The following SOX5 variants were observed in gnomAD, a reference collection of about 807,000 sequenced individuals.
SOX5 encodes transcription factor SOX-5.
SOX5 carries 9 observed loss-of-function variants against 92.0 expected under a neutral mutation model. The ratio of observed to expected loss-of-function variants is 0.10; its 90% CI spans 0.06 to 0.17. SOX5 has a LOEUF of 0.17. Ranked by LOEUF, SOX5 falls within the 10% of genes least tolerant of loss-of-function variation. The pLI is 1.00. For missense variants in SOX5, 642 were observed against 944.5 expected (o/e 0.68, Z 4.20); for synonymous variants, 344 against 336.3 (o/e 1.02, Z -0.25).
intron 1 of SOX5, among the ~76,000 whole-genome samples, chr12:24,423,856 G>C (rs1460318711): frequency 6.6e-6 from 1 of 152,182 alleles, no homozygotes. Flanking sequence ...AGCCCAAAAT[G>C]ACCTGTTGGC....
chr12:24,406,852 G>A (rs1237639047), intron 1 of SOX5, among the ~76,000 whole-genome samples: 1 of 152,154 alleles, frequency 6.6e-6, no homozygotes, highest in Non-Finnish European at 1.5e-5. Flanking sequence ...AGAAGGAGAT[G>A]AAAAATAAAT....
intron 8 of SOX5, among the ~76,000 whole-genome samples, chr12:23,638,774 T>G (rs183102338): frequency 6.6e-6 from 1 of 152,054 alleles, no homozygotes; most frequent in East Asian, 1.9e-4. Flanking sequence ...AGTGAGTTGG[T>G]GTAAGCACCC....
intron 3 of SOX5, among the ~76,000 whole-genome samples, chr12:23,810,337 T>C (rs1031045680): frequency 5.3e-5 from 8 of 152,154 alleles, no homozygotes; most frequent in Non-Finnish European, 1.2e-4. Context: ...TCATTTCATG[T>C]GTACAGCATC....
At chr12:23,569,235 A>G (rs1268416323) in intron 10 of SOX5, among the ~76,000 whole-genome samples, 5 of 152,198 alleles carry the variant, frequency 3.3e-5, no homozygotes, top group African/African-American at 1.2e-4. Flanking sequence ...ATCTATGTAT[A>G]TTTAAAAAAA....
At chr12:24,417,335 G>A (rs927407982) in intron 1 of SOX5, among the ~76,000 whole-genome samples, 16 of 152,208 alleles carry the variant, frequency 1.1e-4, no homozygotes, top group Non-Finnish European at 2.9e-5. Context: ...ATGTGTATGT[G>A]AGGAAGAAAT....
chr12:24,434,607 G>A (rs889999886), intron 1 of SOX5, among the ~76,000 whole-genome samples: 1 of 152,140 alleles, frequency 6.6e-6, no homozygotes, highest in African/African-American at 2.4e-5. Flanking sequence ...GATCATGGGG[G>A]CAGTTTCTCA....
At chr12:23,791,154 A>G (rs1323189226) in intron 3 of SOX5, among the ~76,000 whole-genome samples, 1 of 152,260 alleles carries the variant, frequency 6.6e-6, no homozygotes, top group Non-Finnish European at 1.5e-5. Context: ...CCACAGGTGT[A>G]GAAGATGACA....
intron 4 of SOX5, among the ~76,000 whole-genome samples, chr12:24,003,515 GAAT>G (rs1951830374): frequency 1.3e-5 from 2 of 151,582 alleles, no homozygotes; most frequent in African/African-American, 4.8e-5. Context: ...TACTAGCAAT[GAAT>G]AATATAAAAA....
intron 1 of SOX5, among the ~76,000 whole-genome samples, chr12:24,383,398 G>A (rs1464687197): frequency 2.0e-5 from 3 of 152,152 alleles, no homozygotes; most frequent in Non-Finnish European, 2.9e-5. Context: ...AGTTACATGG[G>A]TCCTCCCTTA....
At position 23,911,888 on chromosome 12, in the gene SOX5, G is replaced by A. The variant is rs78558587; in HGVS notation, c.39-15864C>T. On this transcript the variant is annotated intron_variant, in intron 1 of 14. Transcript: ENST00000451604. ...AGAACATCTTCGTGGCCTTGGGTTA[G>A]GCAATGGTTTGCTACATTCGACACC... Among the ~76,000 whole-genome samples the A allele has an allele frequency of 4.6e-3, 701 of 152,180 alleles. 9 individuals are homozygous for A. The highest frequency in any genetic ancestry group is 0.016 in the African/African-American group (684 of 41,528).
At chr12:24,117,894 C>A (rs1948193420) in intron 4 of SOX5, among the ~76,000 whole-genome samples, 1 of 151,624 alleles carries the variant, frequency 6.6e-6, no homozygotes, top group South Asian at 2.1e-4. Flanking sequence ...ATGGCGGGCA[C>A]CTGTAATCCC....
At chr12:24,231,321 A>G (rs1963352322) in intron 3 of SOX5, among the ~76,000 whole-genome samples, 1 of 152,214 alleles carries the variant, frequency 6.6e-6, no homozygotes, top group African/African-American at 2.4e-5. Flanking sequence ...AATGGATGAA[A>G]CAAGCAAATC....
At chr12:23,703,058 A>C (rs2090890184) in intron 6 of SOX5, among the ~76,000 whole-genome samples, 1 of 152,062 alleles carries the variant, frequency 6.6e-6, no homozygotes, top group Non-Finnish European at 1.5e-5. Context: ...AAAAAGGTGG[A>C]ACTTTGCAGC....
At chr12:24,248,740 A>T (rs74750028) in intron 3 of SOX5, among the ~76,000 whole-genome samples, 3,163 of 151,704 alleles carry the variant, frequency 0.021, 107 homozygotes, top group African/African-American at 0.073. Context: ...TCTCTCCTTC[A>T]TGTTCATCCT....
At chr12:24,136,434 G>A (rs1472209660) in intron 4 of SOX5, among the ~76,000 whole-genome samples, 1 of 152,166 alleles carries the variant, frequency 6.6e-6, no homozygotes, top group Admixed American at 6.5e-5. Flanking sequence ...GTGAAAGCCG[G>A]GTTTAAGTAT....
intron 9 of SOX5, among the ~76,000 whole-genome samples, chr12:23,579,061 G>A (rs963009261): frequency 6.6e-6 from 1 of 152,202 alleles, no homozygotes; most frequent in East Asian, 1.9e-4. Flanking sequence ...TGTATAGTGA[G>A]GGGGGAATGG....
chr12:23,706,305 T>G (rs1278199418), intron 6 of SOX5, among the ~76,000 whole-genome samples: 1 of 152,140 alleles, frequency 6.6e-6, no homozygotes, highest in Non-Finnish European at 1.5e-5. Flanking sequence ...TTATACACAC[T>G]ATTGGAACTA....
intron 2 of SOX5, among the ~76,000 whole-genome samples, chr12:24,361,080 G>A (rs577252935): frequency 6.6e-6 from 1 of 152,058 alleles, no homozygotes; most frequent in African/African-American, 2.4e-5. Flanking sequence ...TCAGCTCCTC[G>A]TATCGACCAG....
intron 4 of SOX5, among the ~76,000 whole-genome samples, chr12:23,998,826 G>C (rs1410883214): frequency 5.6e-5 from 6 of 107,652 alleles, no homozygotes; most frequent in South Asian, 6.1e-4. Context: ...AAAAAAAAAA[G>C]GGGGGGCGAA....
Sources: allele counts gnomAD v4.1 joint callset (sites outside exome capture counted in the v4.1 genomes callset), GRCh38; gene constraint gnomAD v4.1.1; transcripts MANE v1.5; gene names NCBI Gene and HGNC (gene_info 2026-07-23, HGNC 2026-07-21).